Variants in MARCHF4 observed in about 807,000 individuals in gnomAD.
MARCHF4 encodes the protein E3 ubiquitin-protein ligase MARCHF4.
MARCHF4 carries 14 observed loss-of-function variants against 43.9 expected under a neutral mutation model. The observed-to-expected ratio is 0.32, with a 90% CI of 0.21 to 0.50. The LOEUF is 0.50. Ranked by LOEUF, MARCHF4 falls within the 20% of genes least tolerant of loss-of-function variation. The pLI is 0.98. For synonymous variants in MARCHF4, 226 were observed against 213.3 expected, an observed-to-expected ratio of 1.06 and a Z score of -0.52; for missense variants, 468 against 536.7, an observed-to-expected ratio of 0.87 and a Z score of 1.27.
At chr2:216,359,134 C>T (rs761358818) in intron 1 of MARCHF4, among the ~76,000 whole-genome samples, 5 of 152,298 alleles carry the variant, frequency 3.3e-5, no homozygotes, top group Middle Eastern at 3.4e-3. Flanking sequence ...TGTCAGAGCC[C>T]ATGTTGGTCA....
chr2:216,354,876 C>A (rs1247667493), intron 1 of MARCHF4, among the ~76,000 whole-genome samples: 2 of 148,984 alleles, frequency 1.3e-5, no homozygotes, highest in African/African-American at 2.5e-5. Flanking sequence ...GTTCATGAAA[C>A]TTATTTAATA....
chr2:216,354,669 G>A (rs1305585526), intron 1 of MARCHF4, among the ~76,000 whole-genome samples: 3 of 152,170 alleles, frequency 2.0e-5, no homozygotes, highest in African/African-American at 2.4e-5. Flanking sequence ...GGAAATGGAC[G>A]ACAGGACATT....
At chr2:216,368,227 C>G (rs1692697168) in intron 1 of MARCHF4, among the ~76,000 whole-genome samples, 1 of 152,158 alleles carries the variant, frequency 6.6e-6, no homozygotes, top group Admixed American at 6.5e-5. Flanking sequence ...TTGATGGTGG[C>G]AAGATCCTGA....
chr2:216,272,678 G>T (rs916543463), intron 3 of MARCHF4, among the ~76,000 whole-genome samples: 2 of 152,068 alleles, frequency 1.3e-5, no homozygotes, highest in Non-Finnish European at 2.9e-5. Flanking sequence ...TATCTTTTGG[G>T]GCTAATCGGT....
At chr2:216,268,581 G>A (rs757014184) in intron 3 of MARCHF4, among the ~76,000 whole-genome samples, 3 of 152,150 alleles carry the variant, frequency 2.0e-5, no homozygotes, top group Non-Finnish European at 4.4e-5. Flanking sequence ...GTTTCCTGGG[G>A]CCTCCCAAGC....
At chr2:216,341,241 G>T (rs1692231268) in intron 1 of MARCHF4, among the ~76,000 whole-genome samples, 1 of 152,172 alleles carries the variant, frequency 6.6e-6, no homozygotes, top group African/African-American at 2.4e-5. Flanking sequence ...TGTTTCCATT[G>T]TCTGAGAAAT....
intron 1 of MARCHF4, among the ~76,000 whole-genome samples, chr2:216,299,098 T>C (rs1225677490): frequency 6.6e-6 from 1 of 151,624 alleles, no homozygotes; most frequent in Non-Finnish European, 1.5e-5. Flanking sequence ...TCAGAAGACA[T>C]AGACAGTCTG....
chr2:216,328,830 G>C (rs900224882), intron 1 of MARCHF4, among the ~76,000 whole-genome samples: 4 of 152,066 alleles, frequency 2.6e-5, no homozygotes, highest in African/African-American at 9.7e-5. Flanking sequence ...CTGAGGTCAG[G>C]AGTTTGAGAC....
chr2:216,262,990 G>A (rs2105930814), intron 3 of MARCHF4, among the ~76,000 whole-genome samples: 1 of 152,340 alleles, frequency 6.6e-6, no homozygotes, highest in Non-Finnish European at 1.5e-5. Flanking sequence ...CCGGGGTACA[G>A]GCCCATCTCT....
At chr2:216,287,480 T>TG (rs1691233877) in intron 1 of MARCHF4, among the ~76,000 whole-genome samples, 1 of 152,030 alleles carries the variant, frequency 6.6e-6, no homozygotes, top group African/African-American at 2.4e-5. Flanking sequence ...GAGACTGCCC[T>TG]GGGAATGACT....
chr2:216,369,916 C>G lies in MARCHF4; in HGVS notation c.345G>C (p.Val115=). 6.2e-7 allele frequency: 1 copy of G among 1,612,406 alleles called. No homozygotes were observed. Among genetic ancestry groups the G allele is most frequent in the Non-Finnish European group, 8.5e-7 (1 of 1,179,272 alleles). Residue 115 remains valine, a synonymous_variant, in exon 1 of 4, where the codon GTG becomes GTC. Coordinates refer to ENST00000273067, the MANE Select transcript of MARCHF4 (RefSeq NM_020814.3). The stretch of plus-strand genomic sequence containing the variant: ...TGGCTGGGCCACCCCAGTCATCTTC[C>G]ACAGAAGAAGGTGGCAAGGGGGGTG... ...PPPPPLPPSS[V]EDDWGGPATE...
In MARCHF4 at chr2:216,283,746, C is replaced by T. The variant is rs1362310369; in HGVS notation, c.517-17G>A. ...CAGCTCCCCCTGCAGGGAGAGAGCA[C>T]AGGGTGATGAGGCTGAGACCTACAG... is the stretch of plus-strand genomic sequence containing the variant. On this transcript the variant is annotated splice_polypyrimidine_tract_variant and intron_variant, in intron 1 of 3. Transcript: ENST00000273067. 1.3e-6 allele frequency: 2 copies of T among 1,589,578 alleles called. No individual in the cohort carries two copies. The highest frequency in any genetic ancestry group is 1.7e-6 in the Non-Finnish European group (2 of 1,162,422).
At chr2:216,334,870 G>A (rs1404962462) in intron 1 of MARCHF4, among the ~76,000 whole-genome samples, 1 of 152,228 alleles carries the variant, frequency 6.6e-6, no homozygotes, top group Non-Finnish European at 1.5e-5. Context: ...AATGGAATAA[G>A]TCAATAAATG....
intron 1 of MARCHF4, among the ~76,000 whole-genome samples, chr2:216,338,436 G>A (rs1004195413): frequency 6.6e-6 from 1 of 152,190 alleles, no homozygotes; most frequent in Admixed American, 6.5e-5. Context: ...ACTGCAGGTA[G>A]TAGCTTCAAC....
chr2:216,357,117 A>G (rs1692514671), intron 1 of MARCHF4, among the ~76,000 whole-genome samples: 1 of 152,226 alleles, frequency 6.6e-6, no homozygotes, highest in South Asian at 2.1e-4. Context: ...CCATAGTACA[A>G]TGACCCAAAC....
chr2:216,285,883 G>A (rs771595131), intron 1 of MARCHF4, among the ~76,000 whole-genome samples: 13 of 152,224 alleles, frequency 8.5e-5, no homozygotes, highest in Admixed American at 2.0e-4. Context: ...TGCCCATCAG[G>A]TAAGAGACAT....
intron 1 of MARCHF4, among the ~76,000 whole-genome samples, chr2:216,304,537 C>G (rs1047884912): frequency 6.6e-6 from 1 of 152,228 alleles, no homozygotes. Context: ...CACCTCTTCT[C>G]TTCTTGTCCT....
At chr2:216,287,728 C>T (rs946479986) in intron 1 of MARCHF4, among the ~76,000 whole-genome samples, 3 of 150,704 alleles carry the variant, frequency 2.0e-5, no homozygotes, top group South Asian at 4.2e-4. Flanking sequence ...ACATGGCACA[C>T]GTATACATAT....
chr2:216,316,911 C>A (rs1691786576), intron 1 of MARCHF4, among the ~76,000 whole-genome samples: 1 of 152,096 alleles, frequency 6.6e-6, no homozygotes, highest in Non-Finnish European at 1.5e-5. Flanking sequence ...AGGGGGAATT[C>A]CTTACATTTT....
Sources: gnomAD v4.1 joint callset for allele counts (sites outside exome capture counted in the v4.1 genomes callset) on GRCh38, gnomAD v4.1.1 for gene constraint, MANE v1.5 for transcripts, NCBI Gene and HGNC (gene_info 2026-07-23, HGNC 2026-07-21) for gene names.